Variants in DDC observed in about 807,000 individuals in gnomAD.
The protein encoded by DDC is aromatic-L-amino-acid decarboxylase.
DDC carries 43 observed loss-of-function variants against 60.0 expected under a neutral mutation model. The ratio of observed to expected loss-of-function variants is 0.72; its 90% CI spans 0.56 to 0.92. The LOEUF (loss-of-function observed/expected upper bound fraction) is 0.92. Ranked by LOEUF, DDC falls within the 40% of genes least tolerant of loss-of-function variation. The pLI is 0.00. For synonymous variants in DDC, 232 were observed against 234.6 expected (o/e 0.99, Z 0.10); for missense variants, 573 against 620.2 (o/e 0.92, Z 0.81).
intron 1 of DDC, among the ~76,000 whole-genome samples, chr7:50,558,235 A>G (rs1426229225): frequency 1.3e-5 from 2 of 152,150 alleles, no homozygotes; most frequent in South Asian, 2.1e-4. Context: ...TCTTTTCATC[A>G]TAGTCATAAT....
chr7:50,522,750 T>C (rs1436454487), intron 6 of DDC, among the ~76,000 whole-genome samples: 1 of 152,180 alleles, frequency 6.6e-6, no homozygotes, highest in Non-Finnish European at 1.5e-5. Context: ...GGGTAATTTA[T>C]AAAGAAAGGA....
At chr7:50,497,103 T>C (rs1183773179) in intron 8 of DDC, among the ~76,000 whole-genome samples, 1 of 152,226 alleles carries the variant, frequency 6.6e-6, no homozygotes, top group Non-Finnish European at 1.5e-5. Context: ...CCAGCAGTGA[T>C]ATTTTCCTCC....
intron 4 of DDC, among the ~76,000 whole-genome samples, chr7:50,533,067 A>T (rs2044271725): frequency 1.3e-5 from 2 of 152,332 alleles, no homozygotes; most frequent in Admixed American, 1.3e-4. Context: ...CATCATAGAA[A>T]ATCATGGAGT....
At chr7:50,470,283 CA>C (rs2153534382) in intron 11 of DDC, 112 bp from the exon 12 acceptor site, 1 of 812,040 alleles carries the variant, frequency 1.2e-6, no homozygotes, top group South Asian at 1.4e-5. Flanking sequence ...CCCTGGTGGC[CA>C]ACCTGCTCCC....
At chr7:50,556,863 G>A (rs2045205976) in intron 1 of DDC, among the ~76,000 whole-genome samples, 1 of 152,164 alleles carries the variant, frequency 6.6e-6, no homozygotes, top group Non-Finnish European at 1.5e-5. Flanking sequence ...TCCTCATGAA[G>A]AATAGAAAGA....
chr7:50,541,214 G>A (rs892431851), intron 2 of DDC: 2 of 152,262 alleles, frequency 1.3e-5, no homozygotes, highest in Non-Finnish European at 2.9e-5. Context: ...CATGGTGTTG[G>A]GAGCACCCCT....
rs114687741 is a variant in DDC at position 50,466,657 on chromosome 7, A to C, written c.1242+557T>G. ...TCTCAGTAGAGATGGCTTATGCCCC[A>C]ACCCGTGTGGGCCAGCCTGCCCTCA... On this transcript the variant is annotated intron_variant, in intron 13 of 14. Transcript: ENST00000444124. Among the ~76,000 whole-genome samples the C allele has an allele frequency of 2.4e-3, 373 of 152,344 alleles. 1 individual carries two copies. The highest frequency in any genetic ancestry group is 8.7e-3 in the African/African-American group (361 of 41,586).
At chr7:50,492,795 A>G in intron 9 of DDC, 1 of 1,471,052 alleles carries the variant, frequency 6.8e-7, no homozygotes, top group African/African-American at 1.4e-5. Flanking sequence ...TGGTGGCTGA[A>G]CTGAACCCCG....
intron 3 of DDC, 44 bp downstream of exon 3, chr7:50,539,871 C>T (rs1014353308): frequency 1.3e-6 from 2 of 1,487,552 alleles, no homozygotes; most frequent in Admixed American, 1.7e-5. Context: ...CCCGGGATCC[C>T]ACCACAGCCA....
chr7:50,516,954 A>G (rs1467501196), intron 6 of DDC, among the ~76,000 whole-genome samples: 1 of 152,198 alleles, frequency 6.6e-6, no homozygotes, highest in Admixed American at 6.5e-5. Flanking sequence ...ACCAACAAAA[A>G]AAGTCCAAGA....
intron 9 of DDC, among the ~76,000 whole-genome samples, chr7:50,489,200 T>A (rs2042948223): frequency 6.6e-6 from 1 of 152,052 alleles, no homozygotes; most frequent in Non-Finnish European, 1.5e-5. Flanking sequence ...AGAGATAAGG[T>A]CTCACCATGT....
chr7:50,480,782 G>A lies in DDC; in HGVS notation c.945-919C>T, dbSNP rs527917671. 1.1e-4 allele frequency among the ~76,000 whole-genome samples: 16 copies of A among 152,314 alleles called. No individual in the cohort carries two copies. In the East Asian group the frequency reaches 2.9e-3, roughly 28 times the overall value. On this transcript the variant is annotated intron_variant, in intron 9 of 14. Coordinates refer to ENST00000444124, the MANE Select transcript of DDC (RefSeq NM_001082971.2). ...TGGCCCTGCTGGCATCAGTAAGTGT[G>A]TGTGGGGTGAAAATCCCAAGGGCTA...
intron 12 of DDC, among the ~76,000 whole-genome samples, chr7:50,469,379 G>A (rs1262003043): frequency 6.6e-6 from 1 of 152,062 alleles, no homozygotes; most frequent in Non-Finnish European, 1.5e-5. Context: ...GGGCCCCACT[G>A]CAGGCCGGCA....
chr7:50,515,165 C>A (rs977955112), intron 6 of DDC, among the ~76,000 whole-genome samples: 3 of 152,160 alleles, frequency 2.0e-5, no homozygotes, highest in African/African-American at 7.2e-5. Flanking sequence ...GACAGAAGCA[C>A]CAGGTTACCT....
chr7:50,548,798 T>C (rs899974893), intron 1 of DDC, among the ~76,000 whole-genome samples: 1 of 152,204 alleles, frequency 6.6e-6, no homozygotes, highest in African/African-American at 2.4e-5. Flanking sequence ...AGCCTTCTAT[T>C]GGAACAAGAA....
At chr7:50,527,469 G>A (rs1221327464) in intron 6 of DDC, among the ~76,000 whole-genome samples, 1 of 152,126 alleles carries the variant, frequency 6.6e-6, no homozygotes, top group African/African-American at 2.4e-5. Flanking sequence ...TTGTTTGTGG[G>A]AATTTTAAGG....
chr7:50,471,380 A>AAAAT (rs1410603323), intron 11 of DDC, among the ~76,000 whole-genome samples: 2 of 152,162 alleles, frequency 1.3e-5, no homozygotes, highest in Non-Finnish European at 1.5e-5. Context: ...ACTCCATCTC[A>AAAAT]AAATAAATAA....
intron 1 of DDC, among the ~76,000 whole-genome samples, chr7:50,550,851 G>A (rs2044970443): frequency 6.6e-6 from 1 of 152,148 alleles, no homozygotes; most frequent in Non-Finnish European, 1.5e-5. Context: ...AGCTTGAAAG[G>A]GCCTAAGATA....
At chr7:50,469,458 G>A (rs1476108111) in intron 12 of DDC, among the ~76,000 whole-genome samples, 1 of 151,988 alleles carries the variant, frequency 6.6e-6, no homozygotes, top group African/African-American at 2.4e-5. Context: ...GGCAATTTTG[G>A]GGGAGAAAAA....
Sources: allele counts gnomAD v4.1 joint callset (sites outside exome capture counted in the v4.1 genomes callset), GRCh38; gene constraint gnomAD v4.1.1; transcripts MANE v1.5; gene names NCBI Gene and HGNC (gene_info 2026-07-23, HGNC 2026-07-21).